The following CHN2 variants were observed in gnomAD, a reference collection of about 807,000 sequenced individuals.
CHN2 encodes the protein beta-chimaerin.
CHN2 carries 35 observed loss-of-function variants against 56.3 expected under a neutral mutation model. That is an observed-to-expected ratio of 0.62 (90% CI 0.47 to 0.82). The LOEUF (loss-of-function observed/expected upper bound fraction) is 0.82. Ranked by LOEUF, CHN2 falls within the 40% of genes least tolerant of loss-of-function variation. The probability of loss-of-function intolerance (pLI) is 0.00; values close to 1 mark genes in which losing one functional copy is unlikely to be tolerated. For synonymous variants in CHN2, 210 were observed against 212.8 expected (o/e 0.99, Z 0.12); for missense variants, 491 against 580.5 (o/e 0.85, Z 1.58).
intron 2 of CHN2, among the ~76,000 whole-genome samples, chr7:29,179,229 C>G (rs1426612992): frequency 6.6e-6 from 1 of 152,198 alleles, no homozygotes; most frequent in African/African-American, 2.4e-5. Context: ...AGGCTCCATC[C>G]CCTCACACAG....
chr7:29,181,866 G>A (rs935859558), intron 2 of CHN2, among the ~76,000 whole-genome samples: 4 of 151,906 alleles, frequency 2.6e-5, no homozygotes, highest in Non-Finnish European at 5.9e-5. Context: ...CCTAAGGGGG[G>A]GAAAAGTACC....
chr7:29,297,297 G>C (rs1243258638), intron 1 of CHN2, among the ~76,000 whole-genome samples: 1 of 152,150 alleles, frequency 6.6e-6, no homozygotes, highest in Non-Finnish European at 1.5e-5. Context: ...GTGTTCTGGG[G>C]ACCCCTTTAC....
At chr7:29,494,963 A>AAAAAAAAAAC (rs1789100523) in intron 7 of CHN2, among the ~76,000 whole-genome samples, 1 of 149,254 alleles carries the variant, frequency 6.7e-6, no homozygotes, top group Non-Finnish European at 1.5e-5. Context: ...AAAAAAAAAA[A>AAAAAAAAAAC]AAAAAAAAAA....
chr7:29,193,646 A>C (rs559970377), upstream of CHN2: 1 of 152,312 alleles, frequency 6.6e-6, no homozygotes, highest in South Asian at 2.1e-4. Flanking sequence ...ATTTCCTCCC[A>C]GTGAAATTAA....
At chr7:29,355,042 C>T (rs1374831767) in intron 2 of CHN2, among the ~76,000 whole-genome samples, 1 of 151,860 alleles carries the variant, frequency 6.6e-6, no homozygotes, top group Non-Finnish European at 1.5e-5. Flanking sequence ...AATCTTGGCT[C>T]ACCGCAACCT....
intron 3 of CHN2, among the ~76,000 whole-genome samples, chr7:29,379,171 T>A (rs1800300682): frequency 1.3e-5 from 2 of 152,170 alleles, no homozygotes; most frequent in South Asian, 4.1e-4. Flanking sequence ...GGCCTTCATG[T>A]TTAACATGCA....
chr7:29,509,885 G>A (rs1163065209), intron 12 of CHN2, among the ~76,000 whole-genome samples: 2 of 151,848 alleles, frequency 1.3e-5, no homozygotes. Flanking sequence ...TGCCATTAGG[G>A]GCCTTGTGTC....
At chr7:29,309,246 C>T (rs997132583) in intron 1 of CHN2, among the ~76,000 whole-genome samples, 1 of 152,140 alleles carries the variant, frequency 6.6e-6, no homozygotes, top group Non-Finnish European at 1.5e-5. Context: ...TTTGGAAAGT[C>T]ACCGCTCTTT....
chr7:29,398,872 G>A (rs145788721), intron 5 of CHN2, among the ~76,000 whole-genome samples: 2,340 of 151,754 alleles, frequency 0.015, 58 homozygotes, highest in African/African-American at 0.054. Context: ...AAAGTTCTGG[G>A]ATTACAGTCA....
At chr7:29,313,061 G>A (rs10281463) in intron 1 of CHN2, among the ~76,000 whole-genome samples, 5,122 of 152,150 alleles carry the variant, frequency 0.034, 283 homozygotes, top group African/African-American at 0.11. Context: ...TCTTTTACAT[G>A]TATTCTTTTT....
intron 1 of CHN2, among the ~76,000 whole-genome samples, chr7:29,276,660 A>G (rs1343901982): frequency 1.3e-5 from 2 of 152,264 alleles, no homozygotes; most frequent in Non-Finnish European, 2.9e-5. Context: ...GTAAGCTCCC[A>G]GTAAATAGCC....
At chr7:29,214,243 T>A (rs1340064489) in intron 1 of CHN2, among the ~76,000 whole-genome samples, 3 of 152,318 alleles carry the variant, frequency 2.0e-5, no homozygotes, top group African/African-American at 7.2e-5. Flanking sequence ...GTCTTAGTCA[T>A]CACGGTACCA....
chr7:29,337,428 T>G (rs900072591), intron 1 of CHN2, among the ~76,000 whole-genome samples: 2 of 152,202 alleles, frequency 1.3e-5, no homozygotes, highest in Admixed American at 6.5e-5. Context: ...CAGCACGCAG[T>G]ACAGCTGTCC....
intron 6 of CHN2, among the ~76,000 whole-genome samples, chr7:29,444,169 A>C (rs1001447147): frequency 1.3e-5 from 2 of 152,234 alleles, no homozygotes; most frequent in African/African-American, 4.8e-5. Context: ...TTAACAGTGT[A>C]AATATTGGAA....
chr7:29,450,852 A>C (rs1384051618), intron 6 of CHN2, among the ~76,000 whole-genome samples: 1 of 151,562 alleles, frequency 6.6e-6, no homozygotes, highest in East Asian at 1.9e-4. Context: ...GCTCACTGCA[A>C]CCTCCGCCTC....
At position 29,502,060 on chromosome 7, in the gene CHN2, G is replaced by C. The variant is rs117969152; in HGVS notation, c.913+2020G>C. Among the ~76,000 whole-genome samples, 128 of 152,284 alleles carry C rather than the reference G, an allele frequency of 8.4e-4. 1 individual carries two copies. Among genetic ancestry groups the C allele is most frequent in the Non-Finnish European group, 1.7e-3 (115 of 68,030 alleles). ...GACCGAGTACAATGTCCAATCTACT[G>C]AACTCAATCTATGTTAATTTTGCCT... On this transcript the variant is annotated intron_variant, in intron 9 of 12. Coordinates refer to ENST00000222792, the MANE Select transcript of CHN2 (RefSeq NM_004067.4).
intron 1 of CHN2, among the ~76,000 whole-genome samples, chr7:29,328,670 T>TAAA (rs375118116): frequency 3.6e-5 from 5 of 139,086 alleles, no homozygotes; most frequent in Non-Finnish European, 7.9e-5. Flanking sequence ...ATTGCTGAAT[T>TAAA]AAAAAAAAAA....
rs764371224 is a variant in CHN2 at position 29,495,986 on chromosome 7, A to T, written c.689A>T (p.Tyr230Phe). 1 of 1,612,824 alleles carries T rather than the reference A, an allele frequency of 6.2e-7. No homozygotes were observed. Among genetic ancestry groups the T allele is most frequent in the Non-Finnish European group, 8.5e-7 (1 of 1,179,610 alleles). ...TTCCGAGGCCCACACTGGTGTGAAT[A>T]TTGTGCCAATTTCATGTGGGGGCTC... Reference protein sequence around the residue: ...HTFRGPHWCEYCANFMWGLIA... With the variant: ...HTFRGPHWCEFCANFMWGLIA... The change falls in exon 8 of 13, where the codon TAT becomes TTT. Residue 230 changes from tyrosine (Y) to phenylalanine (F), a missense_variant. By Grantham distance (22) the Tyr-to-Phe change is conservative. Transcript: ENST00000222792.
intron 1 of CHN2, among the ~76,000 whole-genome samples, chr7:29,259,155 G>A (rs1483105297): frequency 2.0e-5 from 3 of 151,952 alleles, no homozygotes; most frequent in Admixed American, 6.6e-5. Flanking sequence ...TGGTGAAACT[G>A]CAACTCTGCA....
Sources: gnomAD v4.1 joint callset for allele counts (sites outside exome capture counted in the v4.1 genomes callset) on GRCh38, gnomAD v4.1.1 for gene constraint, MANE v1.5 for transcripts, NCBI Gene and HGNC (gene_info 2026-07-23, HGNC 2026-07-21) for gene names.